The following FNIP1 variants were observed in gnomAD, a reference collection of about 807,000 sequenced individuals.
FNIP1 encodes the protein folliculin-interacting protein 1.
Under a neutral mutation model 124.5 loss-of-function variants are expected in FNIP1, and 40 were observed. The observed-to-expected ratio is 0.32, with a 90% CI of 0.25 to 0.42. The LOEUF is 0.42. Ranked by LOEUF, FNIP1 falls within the 10% of genes least tolerant of loss-of-function variation. The pLI, the probability that FNIP1 is intolerant of heterozygous loss-of-function variation, is 1.00. For missense variants in FNIP1, 1,176 were observed against 1,403.7 expected, an observed-to-expected ratio of 0.84 and a Z score of 2.59; for synonymous variants, 472 against 470.6, an observed-to-expected ratio of 1.00 and a Z score of -0.04.
At chr5:131,753,422 C>G (rs1404240410) in intron 1 of FNIP1, among the ~76,000 whole-genome samples, 1 of 151,906 alleles carries the variant, frequency 6.6e-6, no homozygotes. Flanking sequence ...TCAGAAATAC[C>G]AAGGAATGAA....
chr5:131,685,227 A>G (rs1768233952), intron 11 of FNIP1, among the ~76,000 whole-genome samples: 5 of 152,062 alleles, frequency 3.3e-5, no homozygotes, highest in Admixed American at 2.6e-4. Flanking sequence ...CCCATTATAC[A>G]ACATATTTAA....
At chr5:131,752,868 G>A (rs1770925471) in intron 1 of FNIP1, among the ~76,000 whole-genome samples, 1 of 152,144 alleles carries the variant, frequency 6.6e-6, no homozygotes, top group African/African-American at 2.4e-5. Flanking sequence ...AAGAGTTCAA[G>A]ACCAGTCTGA....
chr5:131,727,932 A>G (rs1384736599), intron 3 of FNIP1, among the ~76,000 whole-genome samples: 1 of 152,216 alleles, frequency 6.6e-6, no homozygotes, highest in Admixed American at 6.5e-5. Flanking sequence ...TCCTTCGCTT[A>G]TGAAGCTTAG....
intron 3 of FNIP1, among the ~76,000 whole-genome samples, chr5:131,721,672 C>A (rs1002826177): frequency 6.6e-6 from 1 of 152,180 alleles, no homozygotes; most frequent in Non-Finnish European, 1.5e-5. Context: ...GTGGTGCATG[C>A]CTGTAATCCC....
At chr5:131,699,665 T>C (rs1481826217) in intron 10 of FNIP1, among the ~76,000 whole-genome samples, 1 of 152,018 alleles carries the variant, frequency 6.6e-6, no homozygotes, top group African/African-American at 2.4e-5. Flanking sequence ...GTGCTGGGGT[T>C]ATAGGCATGA....
intron 1 of FNIP1, among the ~76,000 whole-genome samples, chr5:131,785,004 A>G (rs1772118650): frequency 3.4e-5 from 2 of 58,256 alleles, no homozygotes; most frequent in African/African-American, 6.1e-5. Flanking sequence ...TATGATATAT[A>G]TGACTATATA....
chr5:131,707,379 T>C (rs1182039521), intron 8 of FNIP1, among the ~76,000 whole-genome samples: 1 of 152,204 alleles, frequency 6.6e-6, no homozygotes, highest in Non-Finnish European at 1.5e-5. Context: ...ATACTGAAAA[T>C]GTATATTCAA....
chr5:131,651,823 C>T lies in FNIP1; in HGVS notation c.3285G>A (p.Lys1095=). The T allele has an allele frequency of 6.2e-7, 1 of 1,614,040 alleles. No homozygotes were observed. Among genetic ancestry groups the T allele is most frequent in the South Asian group, 1.1e-5 (1 of 91,082 alleles). ...TTACAAAATTTGGAGACAAGTTATG[C>T]TTATAAAGCTGAAGTGTGGAATGAA... ...NLLHSTLQLY[K]HNLSPNFCVM... is the part of the protein sequence containing the mutation. The change falls in exon 16 of 18, where the codon AAG becomes AAA. Residue 1095 remains lysine, a synonymous_variant. Transcript: ENST00000510461.
rs1222398795 is a variant in FNIP1 at position 131,673,221 on chromosome 5, G to GT, written c.1520-298dup. Reference sequence around the variant, plus strand: ...TGCCACCATGCCTGGCTAATTTTTTGTATTTTTTTTTTTTTGTAGAGACAG... The same window carrying GT: ...TGCCACCATGCCTGGCTAATTTTTTGTTATTTTTTTTTTTTTGTAGAGACAG... On this transcript the variant is annotated intron_variant, in intron 13 of 17. Transcript: ENST00000510461. 2.7e-5 allele frequency among the ~76,000 whole-genome samples: 4 copies of GT among 149,368 alleles called. No homozygotes were observed. The South Asian group carries it at 6.4e-4, about 24-fold the overall frequency.
At chr5:131,701,820 C>T (rs1436593373) in intron 10 of FNIP1, among the ~76,000 whole-genome samples, 1 of 152,234 alleles carries the variant, frequency 6.6e-6, no homozygotes, top group Non-Finnish European at 1.5e-5. Context: ...CAAAGTACAA[C>T]TTGCAAACAG....
At chr5:131,743,079 G>T (rs553333586) in intron 2 of FNIP1, among the ~76,000 whole-genome samples, 34 of 152,224 alleles carry the variant, frequency 2.2e-4, no homozygotes, top group African/African-American at 8.2e-4. Flanking sequence ...CTATGAATAT[G>T]AGTAAAGAAT....
chr5:131,728,785 C>T (rs1241119705), intron 3 of FNIP1, among the ~76,000 whole-genome samples: 1 of 152,108 alleles, frequency 6.6e-6, no homozygotes, highest in South Asian at 2.1e-4. Context: ...GAATTTTCAG[C>T]CTTTTATGCT....
intron 2 of FNIP1, among the ~76,000 whole-genome samples, chr5:131,735,166 G>A (rs1237613065): frequency 2.6e-5 from 4 of 152,084 alleles, no homozygotes; most frequent in East Asian, 3.9e-4. Context: ...GTAGGGACAC[G>A]GATGAAGCTG....
rs775671531 is a variant in FNIP1, at chr5:131,710,624, A to G, written c.660T>C (p.Ser220=). Residue 220 remains serine, a synonymous_variant, in exon 7 of 18, where the codon TCT becomes TCC. Transcript: ENST00000510461. ...SQFCSPRRAF[S]EQGPLRLIRS... Reference sequence around the variant, plus strand: ...TGATCAGGCGGAGCGGACCCTGCTCAGAGAATGCCCGCCTGGGGCTGCAGA... The same window carrying G: ...TGATCAGGCGGAGCGGACCCTGCTCGGAGAATGCCCGCCTGGGGCTGCAGA... 9.3e-5 allele frequency: 150 copies of G among 1,613,996 alleles called. No individual in the cohort carries two copies. The highest frequency in any genetic ancestry group is 1.2e-4 in the Non-Finnish European group (144 of 1,180,008).
intron 1 of FNIP1, chr5:131,796,522 C>A: frequency 2.4e-6 from 1 of 412,040 alleles, no homozygotes; most frequent in Non-Finnish European, 4.4e-6. Context: ...GGCGTGTGGA[C>A]CCAAAGTCTC....
intron 1 of FNIP1, among the ~76,000 whole-genome samples, chr5:131,780,171 G>A (rs1411066855): frequency 6.6e-6 from 1 of 152,118 alleles, no homozygotes; most frequent in Non-Finnish European, 1.5e-5. Context: ...TTAAGACAAA[G>A]AGAATATGAC....
intron 15 of FNIP1, among the ~76,000 whole-genome samples, chr5:131,669,580 C>T (rs10040919): frequency 0.019 from 2,906 of 151,848 alleles, 46 homozygotes; most frequent in Middle Eastern, 0.078. Context: ...AAAAATGACA[C>T]GACAATACAA....
At chr5:131,717,991 G>C (rs1251993280) in intron 5 of FNIP1, among the ~76,000 whole-genome samples, 1 of 150,998 alleles carries the variant, frequency 6.6e-6, no homozygotes, top group African/African-American at 2.4e-5. Flanking sequence ...ACACCAGCCT[G>C]GCCAACATAG....
At chr5:131,665,483 T>G (rs1450213835) in intron 15 of FNIP1, among the ~76,000 whole-genome samples, 4 of 151,792 alleles carry the variant, frequency 2.6e-5, no homozygotes, top group African/African-American at 4.8e-5. Flanking sequence ...ATTATTTATA[T>G]ATTAAAAGGT....
Sources: allele counts gnomAD v4.1 joint callset (sites outside exome capture counted in the v4.1 genomes callset), GRCh38; gene constraint gnomAD v4.1.1; transcripts MANE v1.5; gene names NCBI Gene and HGNC (gene_info 2026-07-23, HGNC 2026-07-21).